The following CSMD1 variants were observed in gnomAD, a reference collection of about 807,000 sequenced individuals.
CSMD1 encodes CUB and sushi domain-containing protein 1.
In CSMD1, 213 loss-of-function variants were observed where a neutral mutation model predicts 417.5. The ratio of observed to expected loss-of-function variants is 0.51; its 90% CI spans 0.46 to 0.57. The LOEUF is 0.57. Ranked by LOEUF, CSMD1 falls within the 20% of genes least tolerant of loss-of-function variation. CSMD1 has a pLI of 0.00. For missense variants in CSMD1, 6,923 were observed against 4,529.7 expected (o/e 1.53, Z -15.17); for synonymous variants, 2,862 against 1,736.8 (o/e 1.65, Z -16.11).
intron 23 of CSMD1, among the ~76,000 whole-genome samples, chr8:3,325,340 AT>A (rs1363126704): frequency 3.3e-5 from 5 of 152,190 alleles, no homozygotes; most frequent in Non-Finnish European, 7.3e-5. Flanking sequence ...CTATCATAAC[AT>A]TTTAGATTTT....
At chr8:4,348,628 G>A (rs543516108) in intron 3 of CSMD1, among the ~76,000 whole-genome samples, 10 of 132,306 alleles carry the variant, frequency 7.6e-5, no homozygotes, top group African/African-American at 1.1e-4. Context: ...GGGAGGGAGG[G>A]GAGAGGGGGA....
chr8:3,772,711 A>T (rs1300135562), intron 5 of CSMD1, among the ~76,000 whole-genome samples: 1 of 148,322 alleles, frequency 6.7e-6, no homozygotes, highest in African/African-American at 2.5e-5. Flanking sequence ...ACACACACAC[A>T]TATATATATA....
At chr8:3,288,182 A>T (rs1253398042) in intron 25 of CSMD1, among the ~76,000 whole-genome samples, 1 of 147,122 alleles carries the variant, frequency 6.8e-6, no homozygotes, top group Non-Finnish European at 1.5e-5. Flanking sequence ...AAGCTTTTTG[A>T]TGTATTGCTG....
At chr8:3,461,444 G>A (rs1021699685) in intron 12 of CSMD1, among the ~76,000 whole-genome samples, 1 of 152,182 alleles carries the variant, frequency 6.6e-6, no homozygotes, top group Non-Finnish European at 1.5e-5. Context: ...TGGAATACAT[G>A]GGGCCAGGAA....
At chr8:3,742,419 A>G (rs927686636) in intron 6 of CSMD1, among the ~76,000 whole-genome samples, 4 of 152,246 alleles carry the variant, frequency 2.6e-5, no homozygotes, top group East Asian at 3.8e-4. Flanking sequence ...AGAAAGAGTC[A>G]GTAAATTTTT....
At chr8:4,476,932 G>T (rs1321216098) in intron 2 of CSMD1, among the ~76,000 whole-genome samples, 1 of 152,194 alleles carries the variant, frequency 6.6e-6, no homozygotes, top group African/African-American at 2.4e-5. Context: ...AAGAAATGAA[G>T]CAGGGAAGGT....
At chr8:3,079,744 T>C (rs1317981855) in intron 49 of CSMD1, among the ~76,000 whole-genome samples, 1 of 152,148 alleles carries the variant, frequency 6.6e-6, no homozygotes, top group Non-Finnish European at 1.5e-5. Flanking sequence ...CAGGGTATAA[T>C]GGAAATGGCT....
At chr8:2,980,805 G>A (rs1296318336) in intron 54 of CSMD1, among the ~76,000 whole-genome samples, 1 of 152,148 alleles carries the variant, frequency 6.6e-6, no homozygotes, top group Non-Finnish European at 1.5e-5. Context: ...CATTGCATTA[G>A]AATTGCTTGG....
At chr8:4,027,247 G>A (rs1034094816) in intron 4 of CSMD1, among the ~76,000 whole-genome samples, 2 of 152,164 alleles carry the variant, frequency 1.3e-5, no homozygotes, top group African/African-American at 2.4e-5. Flanking sequence ...AAGTAGTTTG[G>A]CTGATAAAAG....
chr8:4,038,687 C>T (rs979795754), intron 3 of CSMD1, among the ~76,000 whole-genome samples: 1 of 152,204 alleles, frequency 6.6e-6, no homozygotes, highest in African/African-American at 2.4e-5. Context: ...TACACTCCTT[C>T]CCATAGATGC....
intron 25 of CSMD1, among the ~76,000 whole-genome samples, chr8:3,285,692 C>G (rs1803097709): frequency 6.6e-6 from 1 of 152,010 alleles, no homozygotes; most frequent in African/African-American, 2.4e-5. Flanking sequence ...AGCCACCACG[C>G]CCAGACCAGA....
At position 3,409,436 on chromosome 8, in the gene CSMD1, C is replaced by T. The variant is rs758506326; in HGVS notation, c.1731G>A (p.Lys577=). 7 of 1,610,088 alleles carry T rather than the reference C, an allele frequency of 4.3e-6. 1 individual carries two copies. ...CATAATACTCACATACACAGCTGGG[C>T]TTGTTGCCAGACCACTGATTGTTCT... ...CQQNNQWSGN[K]PSCVFSCFFN... Residue 577 remains lysine, a synonymous_variant, in exon 13 of 70, where the codon AAG becomes AAA. Transcript: ENST00000635120.
intron 12 of CSMD1, among the ~76,000 whole-genome samples, chr8:3,411,387 G>C (rs887903339): frequency 6.6e-6 from 1 of 151,822 alleles, no homozygotes; most frequent in Non-Finnish European, 1.5e-5. Context: ...ATAGGTTTTG[G>C]GGGGAACCCA....
chr8:4,088,505 T>C (rs75408507), intron 3 of CSMD1, among the ~76,000 whole-genome samples: 1,557 of 152,306 alleles, frequency 0.01, 14 homozygotes, highest in Middle Eastern at 0.058. Context: ...TCTTCTTTGT[T>C]TTCAACCCAT....
intron 1 of CSMD1, among the ~76,000 whole-genome samples, chr8:4,900,194 G>C (rs1217497838): frequency 6.6e-6 from 1 of 152,066 alleles, no homozygotes; most frequent in Non-Finnish European, 1.5e-5. Context: ...AGTGACAGGG[G>C]TATGAAGACA....
At chr8:3,635,004 C>A (rs1036911277) in intron 7 of CSMD1, among the ~76,000 whole-genome samples, 3 of 151,984 alleles carry the variant, frequency 2.0e-5, no homozygotes, top group African/African-American at 7.3e-5. Context: ...GTATCTAAAC[C>A]TAACTAAACA....
chr8:4,939,581 A>C (rs557365996), intron 1 of CSMD1, among the ~76,000 whole-genome samples: 2 of 152,360 alleles, frequency 1.3e-5, no homozygotes, highest in Non-Finnish European at 2.9e-5. Context: ...TTACATGTAG[A>C]ATCTAAAATA....
intron 2 of CSMD1, among the ~76,000 whole-genome samples, chr8:4,517,665 G>A (rs1032856989): frequency 6.6e-6 from 1 of 152,148 alleles, no homozygotes; most frequent in African/African-American, 2.4e-5. Context: ...GAATAAATGG[G>A]TATGAATATA....
intron 12 of CSMD1, among the ~76,000 whole-genome samples, chr8:3,413,276 T>C (rs980610742): frequency 6.6e-6 from 1 of 152,202 alleles, no homozygotes; most frequent in African/African-American, 2.4e-5. Context: ...ATACTATTTT[T>C]AATATTAATT....
Sources: allele counts gnomAD v4.1 joint callset (sites outside exome capture counted in the v4.1 genomes callset), GRCh38; gene constraint gnomAD v4.1.1; transcripts MANE v1.5; gene names NCBI Gene and HGNC (gene_info 2026-07-23, HGNC 2026-07-21).